KCNB2: variants seen among roughly 807,000 people sequenced by gnomAD.
KCNB2 encodes the protein delayed rectifier potassium channel protein.
Under a neutral mutation model 61.5 loss-of-function variants are expected in KCNB2, and 15 were observed. The observed-to-expected ratio is 0.24, with a 90% CI of 0.16 to 0.38. The LOEUF is 0.38. KCNB2 is among the 10% of genes least tolerant of loss of function. The pLI, the probability that KCNB2 is intolerant of heterozygous loss-of-function variation, is 1.00. For synonymous variants in KCNB2, 457 were observed against 446.0 expected (o/e 1.02, Z -0.31); for missense variants, 828 against 1,125.2 (o/e 0.74, Z 3.78).
At chr8:72,570,422 T>G (rs766841937) in intron 2 of KCNB2, among the ~76,000 whole-genome samples, 21 of 152,182 alleles carry the variant, frequency 1.4e-4, no homozygotes, top group Non-Finnish European at 2.9e-4. Flanking sequence ...TAGTGAAATA[T>G]TATGGAAAGT....
At chr8:72,736,586 G>T (rs1259852442) in intron 2 of KCNB2, among the ~76,000 whole-genome samples, 1 of 152,136 alleles carries the variant, frequency 6.6e-6, no homozygotes, top group Non-Finnish European at 1.5e-5. Context: ...CAAAAGAAGA[G>T]TTTGCTTGGT....
chr8:72,801,659 A>G (rs1809128132), intron 2 of KCNB2, among the ~76,000 whole-genome samples: 1 of 152,130 alleles, frequency 6.6e-6, no homozygotes, highest in Non-Finnish European at 1.5e-5. Context: ...CTATAATACG[A>G]TACAGTGAGG....
intron 2 of KCNB2, among the ~76,000 whole-genome samples, chr8:72,654,178 T>A (rs779156433): frequency 4.6e-5 from 7 of 152,160 alleles, no homozygotes; most frequent in Non-Finnish European, 1.0e-4. Context: ...GGCTCTGACT[T>A]CAGGTTTCAG....
chr8:72,665,256 G>T (rs1198189232), intron 2 of KCNB2, among the ~76,000 whole-genome samples: 2 of 152,164 alleles, frequency 1.3e-5, no homozygotes, highest in African/African-American at 4.8e-5. Context: ...CTTTGCTGGA[G>T]GGATGGTGAG....
intron 2 of KCNB2, among the ~76,000 whole-genome samples, chr8:72,574,519 A>C (rs554732522): frequency 6.6e-6 from 1 of 152,318 alleles, no homozygotes; most frequent in South Asian, 2.1e-4. Context: ...AAATTACCCA[A>C]GAATCATGCA....
chr8:72,548,665 T>G (rs944537279), intron 1 of KCNB2, among the ~76,000 whole-genome samples: 3 of 152,184 alleles, frequency 2.0e-5, no homozygotes, highest in Non-Finnish European at 4.4e-5. Flanking sequence ...TTTTTTTTCT[T>G]TTTTCTTTTT....
At chr8:72,662,113 A>T (rs1482944764) in intron 2 of KCNB2, among the ~76,000 whole-genome samples, 1 of 152,188 alleles carries the variant, frequency 6.6e-6, no homozygotes, top group Non-Finnish European at 1.5e-5. Flanking sequence ...ATGATTAAAC[A>T]TCCTACCATG....
chr8:72,911,909 G>A (rs1806302755), intron 2 of KCNB2, among the ~76,000 whole-genome samples: 1 of 152,158 alleles, frequency 6.6e-6, no homozygotes, highest in Non-Finnish European at 1.5e-5. Context: ...CAAGTATTTA[G>A]CACTGTGCAT....
intron 2 of KCNB2, among the ~76,000 whole-genome samples, chr8:72,776,464 CT>C (rs557565700): frequency 1.3e-3 from 197 of 152,210 alleles, no homozygotes; most frequent in Non-Finnish European, 2.5e-3. Context: ...ATTTATCCTC[CT>C]GTTCTAATTT....
At chr8:72,711,168 G>C (rs192201192) in intron 2 of KCNB2, among the ~76,000 whole-genome samples, 128 of 152,342 alleles carry the variant, frequency 8.4e-4, no homozygotes, top group Middle Eastern at 3.4e-3. Flanking sequence ...TAAGGTCTTG[G>C]ACTGACAATT....
chr8:72,728,361 G>A (rs550747320), intron 2 of KCNB2, among the ~76,000 whole-genome samples: 4 of 152,206 alleles, frequency 2.6e-5, no homozygotes, highest in Non-Finnish European at 4.4e-5. Flanking sequence ...TGTCATACAC[G>A]GCATTCCATC....
intron 2 of KCNB2, among the ~76,000 whole-genome samples, chr8:72,620,251 C>T (rs969490124): frequency 6.6e-6 from 1 of 152,184 alleles, no homozygotes; most frequent in Non-Finnish European, 1.5e-5. Context: ...AGACAGAAAT[C>T]CAACAGGCAG....
At chr8:72,617,491 G>A (rs983968805) in intron 2 of KCNB2, among the ~76,000 whole-genome samples, 1 of 151,818 alleles carries the variant, frequency 6.6e-6, no homozygotes, top group African/African-American at 2.4e-5. Flanking sequence ...TCTTTGAGTG[G>A]CAGGATCAAC....
At chr8:72,832,987 T>C (rs935628611) in intron 2 of KCNB2, among the ~76,000 whole-genome samples, 1 of 152,128 alleles carries the variant, frequency 6.6e-6, no homozygotes, top group Non-Finnish European at 1.5e-5. Context: ...GACAGAAAGA[T>C]ACATAGGAGA....
intron 2 of KCNB2, among the ~76,000 whole-genome samples, chr8:72,917,081 C>T (rs1300099317): frequency 2.0e-5 from 3 of 152,198 alleles, no homozygotes; most frequent in African/African-American, 7.2e-5. Context: ...CCACCCTCTT[C>T]CACCCAGAAT....
At position 72,935,983 on chromosome 8, in the gene KCNB2, T is replaced by C. The variant is rs1278956564; in HGVS notation, c.628T>C (p.Leu210=). ...ILFIVLSTIA[L]SLNTLPELQE... The stretch of plus-strand genomic sequence containing the variant: ...GTTCATTGTGCTTTCCACCATTGCT[T>C]TGTCTCTCAATACGCTGCCGGAGCT... Residue 210 remains leucine (L), a synonymous_variant, in exon 3 of 3, where the codon TTG becomes CTG. Coordinates refer to ENST00000523207, the MANE Select transcript of KCNB2 (RefSeq NM_004770.3). 2 of 1,614,070 alleles carry C rather than the reference T, an allele frequency of 1.2e-6. No individual in the cohort carries two copies. Among genetic ancestry groups the C allele is most frequent in the East Asian group, 2.2e-5 (1 of 44,886 alleles).
intron 2 of KCNB2, among the ~76,000 whole-genome samples, chr8:72,889,650 G>A (rs1224018803): frequency 6.6e-6 from 1 of 152,004 alleles, no homozygotes; most frequent in Non-Finnish European, 1.5e-5. Flanking sequence ...TCGTACTACT[G>A]CACTCCAGCC....
In KCNB2 at chr8:72,826,670, A is replaced by T. The variant is rs192804582; in HGVS notation, c.580-109265A>T. On this transcript the variant is annotated intron_variant, in intron 2 of 2. Transcript: ENST00000523207. ...TTAAAGAAAATAAAAGTGAGGTTGA[A>T]TGGAGGCGGGGATGAAGTAATTGAC... 1.3e-3 allele frequency among the ~76,000 whole-genome samples: 204 copies of T among 152,330 alleles called. 6 individuals carry two copies. Among genetic ancestry groups the T allele is most frequent in the Admixed American group, 0.011 (166 of 15,296 alleles).
chr8:72,833,967 AG>A, intron 2 of KCNB2, among the ~76,000 whole-genome samples: 1 of 152,200 alleles, frequency 6.6e-6, no homozygotes, highest in Non-Finnish European at 1.5e-5. Context: ...ATTTTGCCCA[AG>A]TGACAGCAGT....
Sources: allele counts gnomAD v4.1 joint callset (sites outside exome capture counted in the v4.1 genomes callset), GRCh38; gene constraint gnomAD v4.1.1; transcripts MANE v1.5; gene names NCBI Gene and HGNC (gene_info 2026-07-23, HGNC 2026-07-21).